CDK6: variants seen among roughly 807,000 people sequenced by gnomAD.
CDK6 encodes cyclin dependent kinase 6.
Under a neutral mutation model 37.1 loss-of-function variants are expected in CDK6, and 6 were observed. That is an observed-to-expected ratio of 0.16 (90% CI 0.09 to 0.32). CDK6 has a LOEUF of 0.32. Ranked by LOEUF, CDK6 falls within the 10% of genes least tolerant of loss-of-function variation. The pLI is 1.00. For missense variants in CDK6, 224 were observed against 418.9 expected, an observed-to-expected ratio of 0.53 and a Z score of 4.06; for synonymous variants, 160 against 161.3, an observed-to-expected ratio of 0.99 and a Z score of 0.06.
At chr7:92,718,598 A>G (rs1798290907) in intron 4 of CDK6, among the ~76,000 whole-genome samples, 1 of 152,162 alleles carries the variant, frequency 6.6e-6, no homozygotes, top group Non-Finnish European at 1.5e-5. Context: ...CCAAACACAC[A>G]CACACACCCC....
intron 2 of CDK6, among the ~76,000 whole-genome samples, chr7:92,832,446 G>T (rs896867043): frequency 7.2e-5 from 11 of 152,146 alleles, no homozygotes; most frequent in African/African-American, 2.7e-4. Flanking sequence ...AACAGACACA[G>T]GGATAACAGT....
At chr7:92,766,652 C>T (rs1799589157) in intron 3 of CDK6, among the ~76,000 whole-genome samples, 1 of 152,202 alleles carries the variant, frequency 6.6e-6, no homozygotes, top group Admixed American at 6.5e-5. Flanking sequence ...AAAGAGACTG[C>T]AACCAAGGAG....
At chr7:92,648,871 T>C (rs547925004) in intron 5 of CDK6, among the ~76,000 whole-genome samples, 5 of 152,340 alleles carry the variant, frequency 3.3e-5, no homozygotes, top group South Asian at 4.1e-4. Flanking sequence ...CATAAACATA[T>C]ACATTTGGGA....
chr7:92,645,109 T>A (rs981139133), intron 5 of CDK6, among the ~76,000 whole-genome samples: 3 of 152,200 alleles, frequency 2.0e-5, no homozygotes, highest in Admixed American at 6.5e-5. Context: ...CAGGTGCGAA[T>A]ATAAAAGCGG....
At chr7:92,772,077 T>C (rs555711235) in intron 3 of CDK6, among the ~76,000 whole-genome samples, 2 of 152,324 alleles carry the variant, frequency 1.3e-5, no homozygotes. Flanking sequence ...TTTGATGGTT[T>C]TATTATGCTT....
chr7:92,644,588 G>C (rs1796397804), intron 5 of CDK6, among the ~76,000 whole-genome samples: 1 of 152,122 alleles, frequency 6.6e-6, no homozygotes, highest in African/African-American at 2.4e-5. Flanking sequence ...ATCTGCTCCT[G>C]ATGCATGTAA....
At chr7:92,750,943 C>A (rs1305192669) in intron 3 of CDK6, among the ~76,000 whole-genome samples, 1 of 152,112 alleles carries the variant, frequency 6.6e-6, no homozygotes, top group Non-Finnish European at 1.5e-5. Flanking sequence ...ACATGGATTA[C>A]CAGCTAAACT....
chr7:92,630,743 T>C (rs1240907690), intron 5 of CDK6, among the ~76,000 whole-genome samples: 1 of 152,098 alleles, frequency 6.6e-6, no homozygotes, highest in African/African-American at 2.4e-5. Flanking sequence ...ACCCTTCTGC[T>C]CCCTTGTGGA....
rs552079363 is a variant in CDK6 at position 92,752,502 on chromosome 7, A to C, written c.369+22194T>G. Among the ~76,000 whole-genome samples the C allele has an allele frequency of 1.7e-4, 26 of 152,388 alleles. No homozygotes were observed. In the South Asian group the frequency reaches 5.0e-3, roughly 29 times the overall value. On this transcript the variant is annotated intron_variant, in intron 3 of 7. Transcript: ENST00000424848. The stretch of plus-strand genomic sequence containing the variant: ...AATGCTGTTGAAACTTTGGGACCTA[A>C]AATGAGAAACTACTTTTTCCCATGA...
chr7:92,779,000 G>C (rs1026661902), intron 2 of CDK6, among the ~76,000 whole-genome samples: 2 of 146,730 alleles, frequency 1.4e-5, no homozygotes, highest in African/African-American at 5.1e-5. Flanking sequence ...GGCATAACTG[G>C]AGAATAAAGT....
chr7:92,608,869 C>G lies in CDK6; in HGVS notation c.*6271G>C. The G allele has an allele frequency of 4.3e-6, 1 of 232,358 alleles. No homozygotes were observed. The highest frequency in any genetic ancestry group is 8.5e-6 in the Non-Finnish European group (1 of 117,484). 14.4% of individuals were successfully genotyped at this position (232,358 alleles called of 1,614,324 possible). On this transcript the variant is annotated 3_prime_UTR_variant, in exon 8 of 8. Transcript: ENST00000424848. ...GCCTCGCCCACTGCCTCTCTCCTGC[C>G]AAAGGGGCGGGGCAACGAGGCAGCG...
At chr7:92,719,881 T>C (rs1798326222) in intron 4 of CDK6, among the ~76,000 whole-genome samples, 1 of 152,174 alleles carries the variant, frequency 6.6e-6, no homozygotes, top group Admixed American at 6.5e-5. Context: ...AAAACATCAA[T>C]ACTGGCATTG....
At chr7:92,636,572 C>T (rs1326371229) in intron 5 of CDK6, among the ~76,000 whole-genome samples, 1 of 152,056 alleles carries the variant, frequency 6.6e-6, no homozygotes, top group East Asian at 1.9e-4. Context: ...CTTTATGTCA[C>T]TCATAAGAAA....
At chr7:92,734,286 C>T (rs1396627584) in intron 3 of CDK6, among the ~76,000 whole-genome samples, 1 of 152,156 alleles carries the variant, frequency 6.6e-6, no homozygotes, top group Non-Finnish European at 1.5e-5. Flanking sequence ...TCACATATAC[C>T]ATTACCTAGC....
intron 3 of CDK6, among the ~76,000 whole-genome samples, chr7:92,746,090 C>T (rs965714439): frequency 6.6e-6 from 1 of 152,164 alleles, no homozygotes; most frequent in East Asian, 1.9e-4. Context: ...AAGATAATTT[C>T]TTATAGGTCT....
chr7:92,786,111 C>T (rs1800124957), intron 2 of CDK6, among the ~76,000 whole-genome samples: 1 of 152,224 alleles, frequency 6.6e-6, no homozygotes, highest in South Asian at 2.1e-4. Context: ...CAACTTTCAA[C>T]ATTTAGTTCT....
chr7:92,630,740 T>C (rs2116511160), intron 5 of CDK6, among the ~76,000 whole-genome samples: 1 of 152,286 alleles, frequency 6.6e-6, no homozygotes, highest in East Asian at 1.9e-4. Flanking sequence ...ATAACCCTTC[T>C]GCTCCCTTGT....
intron 6 of CDK6, among the ~76,000 whole-genome samples, chr7:92,619,159 CCTA>C (rs112032108): frequency 9.7e-4 from 148 of 152,208 alleles, no homozygotes; most frequent in African/African-American, 2.3e-3. Context: ...CAATACACTG[CCTA>C]CTATTATTAT....
At chr7:92,688,274 G>A (rs1048169014) in intron 4 of CDK6, among the ~76,000 whole-genome samples, 2 of 152,024 alleles carry the variant, frequency 1.3e-5, no homozygotes, top group Non-Finnish European at 2.9e-5. Flanking sequence ...CCAACCATTC[G>A]AATTAGTGTG....
Sources: allele counts gnomAD v4.1 joint callset (sites outside exome capture counted in the v4.1 genomes callset), GRCh38; gene constraint gnomAD v4.1.1; transcripts MANE v1.5; gene names NCBI Gene and HGNC (gene_info 2026-07-23, HGNC 2026-07-21).